Variants in HEMK2 observed in about 807,000 individuals in gnomAD.
HEMK2 encodes HemK methyltransferase 2, ETF1 glutamine and histone H4 lysine.
the HEMK2 span, among the ~76,000 whole-genome samples, chr21:28,830,876 TTAAAAAAAAAA>T: frequency 1.4e-4 from 5 of 35,400 alleles, no homozygotes; most frequent in African/African-American, 4.8e-4. Flanking sequence ...GACTCCATCT[TTAAAAAAAAAA>T]AAAAAAAAGA....
At chr21:28,813,968 C>T in the HEMK2 span, among the ~76,000 whole-genome samples, 10 of 152,134 alleles carry the variant, frequency 6.6e-5, no homozygotes, top group Admixed American at 5.9e-4. Context: ...GGTGTGGTGG[C>T]TCACACTTGT....
chr21:28,878,054 T>C, the HEMK2 span: 1 of 679,744 alleles, frequency 1.5e-6, no homozygotes. Context: ...TTTATGCCTG[T>C]ATTAGCTACT....
the HEMK2 span, among the ~76,000 whole-genome samples, chr21:28,642,367 C>A: frequency 6.6e-6 from 1 of 152,120 alleles, no homozygotes; most frequent in Non-Finnish European, 1.5e-5. Flanking sequence ...TGGGAGGGAG[C>A]GTGCAAGCAA....
the HEMK2 span, among the ~76,000 whole-genome samples, chr21:28,848,814 C>T: frequency 2.7e-4 from 41 of 152,226 alleles, no homozygotes; most frequent in African/African-American, 8.2e-4. Flanking sequence ...CCACCACCAA[C>T]TATGAATACA....
At chr21:28,757,117 C>T in the HEMK2 span, among the ~76,000 whole-genome samples, 4 of 152,104 alleles carry the variant, frequency 2.6e-5, no homozygotes, top group African/African-American at 7.2e-5. Context: ...AGATGCTACA[C>T]CGTACAGTAT....
the HEMK2 span, among the ~76,000 whole-genome samples, chr21:28,675,582 T>C: frequency 4.1e-4 from 63 of 152,334 alleles, no homozygotes; most frequent in South Asian, 1.2e-3. Context: ...GGGCATGCCC[T>C]TAGAAACTAT....
chr21:28,746,062 C>T, the HEMK2 span, among the ~76,000 whole-genome samples: 8 of 152,082 alleles, frequency 5.3e-5, no homozygotes, highest in Non-Finnish European at 1.2e-4. Flanking sequence ...GATACTCTAT[C>T]AAATAACAGA....
At chr21:28,673,000 GAGAAAGAAAGAA>G in the HEMK2 span, among the ~76,000 whole-genome samples, 25 of 145,522 alleles carry the variant, frequency 1.7e-4, no homozygotes, top group Admixed American at 7.5e-4. Context: ...GAAAAAGAAA[GAGAAAGAAAGAA>G]AGAAAGAAAG....
At chr21:28,870,624 C>A in the HEMK2 span, among the ~76,000 whole-genome samples, 1 of 152,190 alleles carries the variant, frequency 6.6e-6, no homozygotes, top group African/African-American at 2.4e-5. Context: ...TGGTCCCAAA[C>A]TCCTGACCTC....
At chr21:28,678,734 A>G in the HEMK2 span, among the ~76,000 whole-genome samples, 2 of 152,216 alleles carry the variant, frequency 1.3e-5, no homozygotes, top group Admixed American at 1.3e-4. Context: ...AGTGGGGGCC[A>G]ATGTCCAACA....
At chr21:28,812,416 AT>A in the HEMK2 span, among the ~76,000 whole-genome samples, 3 of 152,146 alleles carry the variant, frequency 2.0e-5, no homozygotes, top group Admixed American at 2.0e-4. Flanking sequence ...GGTTTTTGTC[AT>A]TGGTTCTGTT....
At chr21:28,660,897 A>C in the HEMK2 span, among the ~76,000 whole-genome samples, 2 of 152,118 alleles carry the variant, frequency 1.3e-5, no homozygotes, top group Non-Finnish European at 2.9e-5. Flanking sequence ...GAAGTATTCA[A>C]ATATGAACCA....
the HEMK2 span, chr21:28,883,099 A>G: frequency 6.7e-7 from 1 of 1,489,070 alleles, no homozygotes; most frequent in Non-Finnish European, 9.2e-7. Context: ...AAATATTAGT[A>G]TAGTAGAATC....
At chr21:28,785,947 G>T in the HEMK2 span, among the ~76,000 whole-genome samples, 2 of 152,216 alleles carry the variant, frequency 1.3e-5, no homozygotes. Flanking sequence ...AACTTTAAAA[G>T]TGAATTTTAA....
the HEMK2 span, among the ~76,000 whole-genome samples, chr21:28,576,882 C>T: frequency 1.3e-5 from 2 of 151,996 alleles, no homozygotes; most frequent in Non-Finnish European, 2.9e-5. Context: ...GGCTAATTTT[C>T]ATATTTTTAG....
chr21:28,804,228 T>C, the HEMK2 span, among the ~76,000 whole-genome samples: 18 of 152,322 alleles, frequency 1.2e-4, no homozygotes, highest in South Asian at 2.5e-3. Context: ...TTCAGACAAA[T>C]TTACTTGATT....
the HEMK2 span, among the ~76,000 whole-genome samples, chr21:28,712,223 T>G: frequency 1.1e-4 from 16 of 152,218 alleles, no homozygotes; most frequent in Admixed American, 3.3e-4. Flanking sequence ...GGTTGATAAT[T>G]CCCCACTCCC....
the HEMK2 span, among the ~76,000 whole-genome samples, chr21:28,848,696 A>C: frequency 2.0e-5 from 3 of 152,332 alleles, no homozygotes; most frequent in South Asian, 6.2e-4. Flanking sequence ...GTTTTCCTTT[A>C]ATGTGTTGTT....
the HEMK2 span, among the ~76,000 whole-genome samples, chr21:28,615,584 G>C: frequency 2.0e-5 from 3 of 151,962 alleles, no homozygotes; most frequent in Non-Finnish European, 4.4e-5. Flanking sequence ...ATAAATTCTT[G>C]CCAAAAAAAT....
Sources: gnomAD v4.1 joint callset for allele counts (sites outside exome capture counted in the v4.1 genomes callset) on GRCh38, gnomAD v4.1.1 for gene constraint, MANE v1.5 for transcripts, NCBI Gene and HGNC (gene_info 2026-07-23, HGNC 2026-07-21) for gene names.